FER: variants seen among roughly 807,000 people sequenced by gnomAD.
The protein encoded by FER is tyrosine-protein kinase Fer.
FER carries 63 observed loss-of-function variants against 111.0 expected under a neutral mutation model. The observed-to-expected ratio is 0.57, with a 90% CI of 0.46 to 0.70. The LOEUF (loss-of-function observed/expected upper bound fraction) is 0.70, where lower values mean the gene tolerates loss of function less well. Among genes scored for constraint, FER ranks in the 30% least tolerant of loss-of-function variants. The probability of loss-of-function intolerance (pLI) is 0.00; values close to 1 mark genes in which losing one functional copy is unlikely to be tolerated. For synonymous variants in FER, 327 were observed against 313.9 expected (o/e 1.04, Z -0.44); for missense variants, 914 against 954.0 (o/e 0.96, Z 0.55).
intron 13 of FER, among the ~76,000 whole-genome samples, chr5:108,975,837 G>C (rs956100757): frequency 1.3e-5 from 2 of 152,184 alleles, no homozygotes; most frequent in Admixed American, 1.3e-4. Flanking sequence ...GGGTGAAAGA[G>C]AGGTTTTAAG....
chr5:108,786,989 G>C (rs1279106013), intron 2 of FER, among the ~76,000 whole-genome samples: 1 of 152,110 alleles, frequency 6.6e-6, no homozygotes, highest in South Asian at 2.1e-4. Context: ...GGGAGGTGTG[G>C]CCAGGGCTGC....
At chr5:108,910,780 T>C (rs1380636478) in intron 10 of FER, among the ~76,000 whole-genome samples, 2 of 152,096 alleles carry the variant, frequency 1.3e-5, no homozygotes, top group Non-Finnish European at 2.9e-5. Flanking sequence ...TGATGGATCA[T>C]GGCCTCCAGC....
At chr5:109,089,382 T>TA (rs1463269379) in intron 16 of FER, among the ~76,000 whole-genome samples, 1 of 152,206 alleles carries the variant, frequency 6.6e-6, no homozygotes, top group Non-Finnish European at 1.5e-5. Flanking sequence ...AAGGGCTGAC[T>TA]AATGGTTTTT....
chr5:109,009,170 C>T (rs1765905605), intron 13 of FER, among the ~76,000 whole-genome samples: 1 of 149,610 alleles, frequency 6.7e-6, no homozygotes, highest in African/African-American at 2.5e-5. Flanking sequence ...GCCTTAGTCT[C>T]CCAAGTAGGT....
rs1377593069 is a variant in FER at position 109,189,534 on chromosome 5, A to G, written c.*1959A>G. 1 of 152,188 alleles carries G rather than the reference A, an allele frequency of 6.6e-6. No homozygotes were observed. Among genetic ancestry groups the G allele is most frequent in the Non-Finnish European group, 1.5e-5 (1 of 68,010 alleles). 9.4% of individuals were successfully genotyped at this position (152,188 alleles called of 1,614,324 possible). A position where few individuals can be genotyped will look rare whatever the true frequency, so the allele number is the denominator to read the frequency against. ...ACTTAATGATTAGTACATTCAGACT[A>G]AAGGGAAATTTCTTTTGATGGCACG... On this transcript the variant is annotated 3_prime_UTR_variant, in exon 20 of 20. Transcript: ENST00000281092.
chr5:109,042,606 G>T (rs1002700097), intron 14 of FER, among the ~76,000 whole-genome samples: 3 of 152,166 alleles, frequency 2.0e-5, no homozygotes, highest in Non-Finnish European at 2.9e-5. Context: ...GTACATGCCA[G>T]TACCTCTTAA....
chr5:109,119,568 A>G (rs529038151), intron 17 of FER, among the ~76,000 whole-genome samples: 2 of 152,088 alleles, frequency 1.3e-5, no homozygotes, highest in East Asian at 3.9e-4. Context: ...TATCCTTGTT[A>G]ACTTTCTGTC....
At chr5:109,047,332 G>C (rs1186658877) in intron 16 of FER, 134 bp downstream of exon 16, 1 of 570,016 alleles carries the variant, frequency 1.8e-6, no homozygotes, top group African/African-American at 2.0e-5. Context: ...TAACAAAAGA[G>C]TCTGTACCTA....
chr5:109,037,411 C>A lies in FER; in HGVS notation c.1657-11C>A, dbSNP rs770210375. 6.2e-7 allele frequency: 1 copy of A among 1,609,672 alleles called. No individual in the cohort carries two copies. The highest frequency in any genetic ancestry group is 1.3e-5 in the African/African-American group (1 of 74,882). On this transcript the variant is annotated splice_polypyrimidine_tract_variant and intron_variant, in intron 13 of 19. Transcript: ENST00000281092. ...CTTGTACTAAACAACTGTTCTTATT[C>A]TTTGCTGTAGGACAAGAAATGGATT...
chr5:109,030,352 G>C (rs1160552480), intron 13 of FER, among the ~76,000 whole-genome samples: 3 of 151,976 alleles, frequency 2.0e-5, no homozygotes, highest in Non-Finnish European at 4.4e-5. Context: ...TGATTTTCTT[G>C]GCTCTTGATA....
intron 16 of FER, among the ~76,000 whole-genome samples, chr5:109,099,587 A>G (rs1195700836): frequency 6.6e-6 from 1 of 151,668 alleles, no homozygotes. Context: ...AAATATCTCA[A>G]CTAAAATTTT....
At chr5:108,986,353 TCA>T (rs1762576233) in intron 13 of FER, among the ~76,000 whole-genome samples, 2 of 151,980 alleles carry the variant, frequency 1.3e-5, no homozygotes, top group Non-Finnish European at 2.9e-5. Context: ...TAGTCCTTTT[TCA>T]GATGTATAGA....
intron 16 of FER, among the ~76,000 whole-genome samples, chr5:109,097,545 G>A (rs1404534108): frequency 6.6e-6 from 1 of 151,874 alleles, no homozygotes; most frequent in Non-Finnish European, 1.5e-5. Flanking sequence ...AATTCTAAGA[G>A]AGGTTTTTGT....
intron 10 of FER, among the ~76,000 whole-genome samples, chr5:108,912,599 G>T (rs2150361434): frequency 6.6e-6 from 1 of 152,270 alleles, no homozygotes; most frequent in African/African-American, 2.4e-5. Context: ...GACCTCAGGT[G>T]ATCCACCTGC....
At chr5:109,093,978 A>G (rs1326163350) in intron 16 of FER, among the ~76,000 whole-genome samples, 1 of 152,148 alleles carries the variant, frequency 6.6e-6, no homozygotes, top group African/African-American at 2.4e-5. Context: ...AGCCAAAAAT[A>G]TAAAATGAGT....
intron 8 of FER, among the ~76,000 whole-genome samples, chr5:108,877,526 C>T (rs1174099231): frequency 2.6e-5 from 4 of 152,148 alleles, no homozygotes. Flanking sequence ...AGATTTGTGT[C>T]ATGGTATAGA....
chr5:109,148,602 T>G (rs1410461136), intron 17 of FER, among the ~76,000 whole-genome samples: 1 of 152,194 alleles, frequency 6.6e-6, no homozygotes, highest in Admixed American at 6.5e-5. Flanking sequence ...TTCATTCTGT[T>G]TAAGAGTATA....
At chr5:108,889,060 C>A (rs1257759677) in intron 9 of FER, among the ~76,000 whole-genome samples, 1 of 151,702 alleles carries the variant, frequency 6.6e-6, no homozygotes, top group Non-Finnish European at 1.5e-5. Context: ...GACCTTCCTC[C>A]AAAACAGATT....
chr5:108,910,483 A>C (rs1305225816), intron 10 of FER, among the ~76,000 whole-genome samples: 1 of 152,160 alleles, frequency 6.6e-6, no homozygotes, highest in African/African-American at 2.4e-5. Flanking sequence ...GGTTTGTTTA[A>C]AAATTTAATT....
Sources: allele counts gnomAD v4.1 joint callset (sites outside exome capture counted in the v4.1 genomes callset), GRCh38; gene constraint gnomAD v4.1.1; transcripts MANE v1.5; gene names NCBI Gene and HGNC (gene_info 2026-07-23, HGNC 2026-07-21).